The following ST3GAL1 variants were observed in gnomAD, a reference collection of about 807,000 sequenced individuals.
ST3GAL1 encodes CMP-N-acetylneuraminate-beta-galactosamide-alpha-2,3-sialyltransferase 1.
Under a neutral mutation model 34.1 loss-of-function variants are expected in ST3GAL1, and 16 were observed. That is an observed-to-expected ratio of 0.47 (90% CI 0.32 to 0.71). The LOEUF (loss-of-function observed/expected upper bound fraction) is 0.71. Ranked by LOEUF, ST3GAL1 falls within the 30% of genes least tolerant of loss-of-function variation. The pLI is 0.04. For synonymous variants in ST3GAL1, 191 were observed against 184.7 expected, an observed-to-expected ratio of 1.03 and a Z score of -0.28; for missense variants, 353 against 447.4, an observed-to-expected ratio of 0.79 and a Z score of 1.90.
chr8:133,479,758 C>T (rs1015170480), intron 3 of ST3GAL1, among the ~76,000 whole-genome samples: 2 of 152,306 alleles, frequency 1.3e-5, no homozygotes, highest in African/African-American at 2.4e-5. Flanking sequence ...TCCTCTGGGG[C>T]ATCCTGCAGC....
At chr8:133,497,013 G>C (rs555323923) in intron 3 of ST3GAL1, among the ~76,000 whole-genome samples, 2 of 152,302 alleles carry the variant, frequency 1.3e-5, no homozygotes, top group South Asian at 4.1e-4. Flanking sequence ...TGCTCCCCCA[G>C]GCTGGTGCCA....
chr8:133,479,121 G>A (rs964519443), intron 3 of ST3GAL1, among the ~76,000 whole-genome samples: 12 of 152,166 alleles, frequency 7.9e-5, no homozygotes, highest in African/African-American at 2.2e-4. Context: ...CTCATTTCTC[G>A]GGGCCGTCAG....
intron 2 of ST3GAL1, chr8:133,515,724 A>T (rs942044099): frequency 3.9e-5 from 6 of 152,222 alleles, no homozygotes; most frequent in African/African-American, 1.2e-4. Context: ...AGTAAGCCCA[A>T]AAGAGGTTAG....
chr8:133,506,567 CAG>C (rs1384870893), intron 2 of ST3GAL1, among the ~76,000 whole-genome samples: 9 of 149,128 alleles, frequency 6.0e-5, no homozygotes, highest in African/African-American at 2.0e-4. Flanking sequence ...GGCAGATCAC[CAG>C]AGGTCAGGAG....
At chr8:133,511,035 G>T (rs1483595411) in intron 2 of ST3GAL1, among the ~76,000 whole-genome samples, 1 of 151,998 alleles carries the variant, frequency 6.6e-6, no homozygotes, top group Non-Finnish European at 1.5e-5. Flanking sequence ...GCAGATAGAG[G>T]GCAAAGAAAT....
chr8:133,482,904 T>TCAACAA (rs373515250), intron 3 of ST3GAL1, among the ~76,000 whole-genome samples: 16 of 151,984 alleles, frequency 1.1e-4, no homozygotes, highest in Admixed American at 2.0e-4. Flanking sequence ...CCAACAGTTG[T>TCAACAA]CAACAACAAC....
chr8:133,551,585 AG>A (rs1290576440), intron 1 of ST3GAL1, among the ~76,000 whole-genome samples: 1 of 149,944 alleles, frequency 6.7e-6, no homozygotes, highest in Non-Finnish European at 1.5e-5. Flanking sequence ...AAAGAAAGAA[AG>A]AAAGAAAGAA....
In ST3GAL1 at chr8:133,466,942, C is replaced by CA. The variant is rs1815758212; in HGVS notation, c.307-853dup. Among the ~76,000 whole-genome samples, 1 of 152,082 alleles carries CA rather than the reference C, an allele frequency of 6.6e-6. No individual in the cohort carries two copies. Among genetic ancestry groups the CA allele is most frequent in the East Asian group, 1.9e-4 (1 of 5,176 alleles). ...TGAAACCCCATCTCTATTAAAAATA[C>CA]AAAAAAGCCGGGCATGGTGGTGCCC... is the stretch of plus-strand genomic sequence containing the variant. On this transcript the variant is annotated intron_variant, in intron 5 of 9. Transcript: ENST00000522652. This position sits in a 1 kb window ranked among gnomAD's most constrained non-coding sequence, Gnocchi z 4.4.
At chr8:133,485,264 G>T (rs375705143) in intron 3 of ST3GAL1, among the ~76,000 whole-genome samples, 1 of 152,224 alleles carries the variant, frequency 6.6e-6, no homozygotes, top group African/African-American at 2.4e-5. Context: ...TAGCTGGGAC[G>T]GGCAGGTGGG....
chr8:133,531,136 C>G (rs1273199459), intron 2 of ST3GAL1, among the ~76,000 whole-genome samples: 1 of 151,568 alleles, frequency 6.6e-6, no homozygotes, highest in Non-Finnish European at 1.5e-5. Context: ...CTTACACATT[C>G]ATATTTTTAG....
At chr8:133,544,189 C>T (rs535141193) in intron 2 of ST3GAL1, 1 of 151,666 alleles carries the variant, frequency 6.6e-6, no homozygotes, top group South Asian at 2.1e-4. Flanking sequence ...AGTCTCTTCT[C>T]TGTTCCTTCT....
chr8:133,538,547 T>C (rs533080305), intron 2 of ST3GAL1, among the ~76,000 whole-genome samples: 1 of 152,148 alleles, frequency 6.6e-6, no homozygotes, highest in Non-Finnish European at 1.5e-5. Flanking sequence ...TAAAACCTAT[T>C]GAATGCATGT....
chr8:133,532,260 TC>T lies in ST3GAL1; in HGVS notation c.-429+13513del, dbSNP rs199565897. On this transcript the variant is annotated intron_variant, in intron 2 of 9. Coordinates refer to ENST00000522652, the MANE Select transcript of ST3GAL1 (RefSeq NM_173344.3). ...GCTGCGGCGGGTGGATCACCTGAGG[TC>T]AGGAGTTCGAGACCAGCCTGGCCAA... Among the ~76,000 whole-genome samples the T allele has an allele frequency of 6.2e-3, 936 of 152,130 alleles. 5 individuals are homozygous for T. The highest frequency in any genetic ancestry group is 0.02 in the African/African-American group (840 of 41,502).
At chr8:133,464,727 G>A (rs767251491) in intron 7 of ST3GAL1, 51 bp downstream of exon 7, 2 of 1,558,066 alleles carry the variant, frequency 1.3e-6, no homozygotes, top group African/African-American at 1.4e-5. Context: ...GGGGGACAGG[G>A]TGCCACTGCA....
chr8:133,549,681 C>T (rs1057351975), intron 1 of ST3GAL1, among the ~76,000 whole-genome samples: 3 of 148,316 alleles, frequency 2.0e-5, no homozygotes, highest in Admixed American at 1.3e-4. Flanking sequence ...AACTAGAACT[C>T]GCCAGGCGTG....
rs1431737114 is a variant in ST3GAL1, at chr8:133,455,380, T to TA, written c.*4383dup. The TA allele has an allele frequency of 6.6e-6, 1 of 152,104 alleles. No individual in the cohort carries two copies. Among genetic ancestry groups the TA allele is most frequent in the East Asian group, 1.9e-4 (1 of 5,194 alleles). The allele number at this position is 152,104 out of a possible 1,614,324, so 9.4% of individuals were successfully genotyped here. A position where few individuals can be genotyped will look rare whatever the true frequency, so the allele number is the denominator to read the frequency against. On this transcript the variant is annotated 3_prime_UTR_variant, in exon 10 of 10. Coordinates refer to ENST00000522652, the MANE Select transcript of ST3GAL1 (RefSeq NM_173344.3). The stretch of plus-strand genomic sequence containing the variant: ...TCAGTGCTCTTTTGGTAAGAAAAAA[T>TA]AGTCGGTAATGCCCTGATCCTGACA...
chr8:133,479,668 C>T (rs1041977615), intron 3 of ST3GAL1, among the ~76,000 whole-genome samples: 3 of 152,138 alleles, frequency 2.0e-5, no homozygotes, highest in African/African-American at 7.2e-5. Context: ...ATGCTCTAGG[C>T]TGCTGCTAGG....
Position 133,469,579 on chromosome 8 carries a change from A to G in ST3GAL1, c.307-3489T>C, listed in dbSNP as rs1420176881. On this transcript the variant is annotated intron_variant, in intron 5 of 9. Transcript: ENST00000522652. This position sits in a 1 kb window ranked among gnomAD's most constrained non-coding sequence, Gnocchi z 4.3. The stretch of plus-strand genomic sequence containing the variant: ...CTCATCTCTACCACACGTAGAAAGC[A>G]AGAATTACCTGGCAGAAGTAAAATG... Among the ~76,000 whole-genome samples the G allele has an allele frequency of 6.6e-6, 1 of 152,236 alleles. No homozygotes were observed. The highest frequency in any genetic ancestry group is 1.5e-5 in the Non-Finnish European group (1 of 68,038).
intron 2 of ST3GAL1, among the ~76,000 whole-genome samples, chr8:133,517,400 A>G (rs1408437687): frequency 1.3e-5 from 2 of 152,096 alleles, no homozygotes; most frequent in Non-Finnish European, 2.9e-5. Flanking sequence ...CCCAGGCTGG[A>G]GTGCAGTGGT....
Sources: allele counts gnomAD v4.1 joint callset (sites outside exome capture counted in the v4.1 genomes callset), GRCh38; gene constraint gnomAD v4.1.1; non-coding constraint Gnocchi (gnomAD v3.1); transcripts MANE v1.5; gene names NCBI Gene and HGNC (gene_info 2026-07-23, HGNC 2026-07-21).